STPG2: variants seen among roughly 807,000 people sequenced by gnomAD.
The protein encoded by STPG2 is sperm tail PG-rich repeat containing 2, also known as sperm-tail PG-rich repeat-containing protein 2.
STPG2 carries 56 observed loss-of-function variants against 54.2 expected under a neutral mutation model. That is an observed-to-expected ratio of 1.03 (90% CI 0.83 to 1.29). STPG2 has a LOEUF of 1.29. STPG2 is among the 50% of genes most tolerant of loss of function. The pLI is 0.00. For synonymous variants in STPG2, 200 were observed against 181.8 expected (o/e 1.10, Z -0.81); for missense variants, 596 against 544.9 (o/e 1.09, Z -0.93).
intron 8 of STPG2, among the ~76,000 whole-genome samples, chr4:97,930,255 T>C (rs1355498422): frequency 6.6e-6 from 1 of 152,182 alleles, no homozygotes; most frequent in Non-Finnish European, 1.5e-5. Flanking sequence ...CTTTACCTGT[T>C]CTTATGTCCA....
At chr4:97,862,032 A>G (rs1240697322) in intron 8 of STPG2, among the ~76,000 whole-genome samples, 1 of 152,138 alleles carries the variant, frequency 6.6e-6, no homozygotes, top group Non-Finnish European at 1.5e-5. Flanking sequence ...CAAAATAACC[A>G]GCTAACATCA....
At chr4:97,997,932 T>A (rs1052760229) in intron 5 of STPG2, among the ~76,000 whole-genome samples, 7 of 151,992 alleles carry the variant, frequency 4.6e-5, no homozygotes, top group Non-Finnish European at 1.0e-4. Flanking sequence ...AAATGAAAAA[T>A]TTTTTTAAAA....
At chr4:98,109,055 C>A in intron 4 of STPG2, 138 bp downstream of exon 4, 1 of 502,968 alleles carries the variant, frequency 2.0e-6, no homozygotes, top group Non-Finnish European at 3.5e-6. Context: ...CTTTCATATA[C>A]ATTACACCAA....
At chr4:97,927,046 G>A (rs1040093356) in intron 8 of STPG2, among the ~76,000 whole-genome samples, 3 of 152,024 alleles carry the variant, frequency 2.0e-5, no homozygotes, top group Admixed American at 6.6e-5. Flanking sequence ...CTAAACTCAC[G>A]CAACTAGGCA....
At chr4:97,620,180 T>G (rs2148923352) in intron 10 of STPG2, among the ~76,000 whole-genome samples, 1 of 152,314 alleles carries the variant, frequency 6.6e-6, no homozygotes, top group East Asian at 1.9e-4. Flanking sequence ...TCAAGCTTCT[T>G]AAAGGTAGGT....
chr4:97,573,600 T>G (rs888998490), intron 10 of STPG2, among the ~76,000 whole-genome samples: 1 of 152,078 alleles, frequency 6.6e-6, no homozygotes. Flanking sequence ...GAACTTTAAT[T>G]GAAATTGTCT....
intron 9 of STPG2, among the ~76,000 whole-genome samples, chr4:97,819,604 T>C (rs947092693): frequency 2.6e-5 from 4 of 152,118 alleles, no homozygotes; most frequent in Non-Finnish European, 4.4e-5. Context: ...GAGTCTATCA[T>C]TCATTTAAAT....
chr4:97,661,659 G>T (rs2148961706), intron 10 of STPG2, among the ~76,000 whole-genome samples: 1 of 151,760 alleles, frequency 6.6e-6, no homozygotes, highest in South Asian at 2.1e-4. Context: ...CCTAAAAGGG[G>T]AATGCTCTCC....
chr4:97,523,593 T>G (rs1167282870), intron 4 of STPG2, among the ~76,000 whole-genome samples: 1 of 151,916 alleles, frequency 6.6e-6, no homozygotes, highest in Non-Finnish European at 1.5e-5. Flanking sequence ...GAAAAAAATG[T>G]TTATAAGGTA....
At chr4:97,806,495 G>A (rs1466508681) in intron 9 of STPG2, among the ~76,000 whole-genome samples, 1 of 151,914 alleles carries the variant, frequency 6.6e-6, no homozygotes, top group Non-Finnish European at 1.5e-5. Context: ...ATCTACACAT[G>A]TACCCCCTGA....
chr4:98,077,803 C>T (rs1284692002), intron 5 of STPG2, among the ~76,000 whole-genome samples: 3 of 152,086 alleles, frequency 2.0e-5, no homozygotes, highest in Non-Finnish European at 2.9e-5. Flanking sequence ...ATTCCTACCC[C>T]GACAGCGCTA....
intron 8 of STPG2, among the ~76,000 whole-genome samples, chr4:97,868,628 CAT>C (rs1231293779): frequency 6.6e-6 from 1 of 151,886 alleles, no homozygotes; most frequent in Admixed American, 6.6e-5. Flanking sequence ...TGCTTTCTCA[CAT>C]AGAGTGTACT....
Position 97,903,642 on chromosome 4 carries a change from G to C in STPG2, c.1044+40255C>G, listed in dbSNP as rs1488932471. 2.6e-5 allele frequency among the ~76,000 whole-genome samples: 4 copies of C among 152,210 alleles called. No homozygotes were observed. The South Asian group carries it at 6.2e-4, about 24-fold the overall frequency. On this transcript the variant is annotated intron_variant, in intron 8 of 10. Transcript: ENST00000295268. ...GCCGAATAGCAACAGCTCCCAGCGT[G>C]AGCAACGCAGAAGACTGGTGATTTC...
rs147601637 is a variant in STPG2, at chr4:97,743,720, C to T, written c.1205-30906G>A. 7.2e-5 allele frequency among the ~76,000 whole-genome samples: 11 copies of T among 151,750 alleles called. No homozygotes were observed. The East Asian group carries it at 1.2e-3, about 16-fold the overall frequency. ...GGAAAGTAGAAATGAGACAAATGCA[C>T]ATATATGCCTGTAATGCAAGATAGA... is the stretch of plus-strand genomic sequence containing the variant. On this transcript the variant is annotated intron_variant, in intron 9 of 10. Transcript: ENST00000295268.
intron 3 of STPG2, among the ~76,000 whole-genome samples, chr4:98,126,343 C>A (rs1383827877): frequency 6.6e-6 from 1 of 152,228 alleles, no homozygotes; most frequent in African/African-American, 2.4e-5. Context: ...CCCCCGTCAG[C>A]CTGCACAGCT....
intron 10 of STPG2, among the ~76,000 whole-genome samples, chr4:97,589,705 A>C (rs1733089304): frequency 6.6e-6 from 1 of 152,164 alleles, no homozygotes. Flanking sequence ...TGTTCCCGGC[A>C]ATGACGGTTC....
At chr4:97,616,656 G>A (rs186280731) in intron 10 of STPG2, among the ~76,000 whole-genome samples, 30 of 152,092 alleles carry the variant, frequency 2.0e-4, no homozygotes, top group African/African-American at 6.7e-4. Context: ...TTAATTTGTT[G>A]TTTGTCAAAA....
At chr4:98,127,779 G>A (rs1452360484) in intron 3 of STPG2, among the ~76,000 whole-genome samples, 1 of 152,130 alleles carries the variant, frequency 6.6e-6, no homozygotes, top group Non-Finnish European at 1.5e-5. Flanking sequence ...AACTCTGGAT[G>A]AAATGAATTA....
chr4:98,136,125 G>A (rs1364351737), intron 1 of STPG2, among the ~76,000 whole-genome samples: 2 of 151,392 alleles, frequency 1.3e-5, no homozygotes, highest in Non-Finnish European at 3.0e-5. Flanking sequence ...AGATGAACAT[G>A]ATGAGAAGAT....
Sources: gnomAD v4.1 joint callset for allele counts (sites outside exome capture counted in the v4.1 genomes callset) on GRCh38, gnomAD v4.1.1 for gene constraint, MANE v1.5 for transcripts, NCBI Gene and HGNC (gene_info 2026-07-23, HGNC 2026-07-21) for gene names.